MXD3: variants seen among roughly 807,000 people sequenced by gnomAD.
MXD3 encodes Max-associated protein 3.
A neutral mutation model predicts 27.5 loss-of-function variants in MXD3; 20 were observed. The ratio of observed to expected loss-of-function variants is 0.73; its 90% CI spans 0.51 to 1.06. MXD3 has a LOEUF of 1.06. Ranked by LOEUF, MXD3 falls within the 50% of genes least tolerant of loss-of-function variation. The pLI is 0.00. For missense variants in MXD3, 298 were observed against 291.3 expected, an observed-to-expected ratio of 1.02 and a Z score of -0.17; for synonymous variants, 150 against 130.7, an observed-to-expected ratio of 1.15 and a Z score of -1.01.
At chr5:177,307,062 G>A (rs1760897302), downstream of MXD3, 3 of 1,458,636 alleles carry the variant, frequency 2.1e-6, no homozygotes, top group East Asian at 2.5e-5. Context: ...GTGAAGTGGA[G>A]ACAGAACAGC....
chr5:177,307,062 G>C (rs1760897302), downstream of MXD3: 5 of 1,458,518 alleles, frequency 3.4e-6, no homozygotes, highest in South Asian at 7.3e-5. Flanking sequence ...GTGAAGTGGA[G>C]ACAGAACAGC....
At chr5:177,306,708 A>T (rs1581587960), downstream of MXD3, 5 of 1,272,980 alleles carry the variant, frequency 3.9e-6, no homozygotes, top group East Asian at 1.3e-4. Context: ...GCAGTTTGGC[A>T]TCTGCAGTAC....
downstream of MXD3, chr5:177,306,808 CG>C: frequency 1.3e-6 from 1 of 782,696 alleles, no homozygotes; most frequent in Admixed American, 2.9e-5. Flanking sequence ...GTGACTTGCC[CG>C]GGGCTCCAGG....
chr5:177,307,962 C>T lies in MXD3; in HGVS notation c.324G>A (p.Lys108=), dbSNP rs1321712641. ...LLRRARMHIQ[K]LEDQEQRARQ... is the part of the protein sequence containing the mutation. The stretch of plus-strand genomic sequence containing the variant: ...GGGCCCGCTGCTCCTGATCCTCCAG[C>T]TTCTGCGGATCCCAAAGGAGCAAGG... The change falls in exon 5 of 6, where the codon AAG becomes AAA. Residue 108 remains lysine, a splice_region_variant and synonymous_variant. Coordinates refer to ENST00000439742, the MANE Select transcript of MXD3 (RefSeq NM_031300.4). The T allele has an allele frequency of 3.2e-6, 5 of 1,548,354 alleles. No individual in the cohort carries two copies. In the African/African-American group the frequency reaches 6.8e-5, roughly 21 times the overall value.
chr5:177,311,775 T>C lies in MXD3; in HGVS notation c.56A>G (p.Glu19Gly). The C allele has an allele frequency of 6.2e-7, 1 of 1,613,062 alleles. No individual in the cohort carries two copies. The highest frequency in any genetic ancestry group is 8.5e-7 in the Non-Finnish European group (1 of 1,179,510). Residue 19 changes from glutamate to glycine, a missense_variant, in exon 1 of 6, where the codon GAG (glutamate) becomes GGG (glycine). Glu to Gly is a moderately conservative substitution (Grantham distance 98, BLOSUM62 -2). Transcript: ENST00000439742. ...QVLLQAAEFL[E>G]RREREAEHGY... ...TCCTTCCTCACCTCTCTCACGGCGC[T>C]CCAGGAACTCGGCCGCCTGCAGCAG... is the stretch of plus-strand genomic sequence containing the variant.
downstream of MXD3, chr5:177,306,948 C>T (rs1470244850): frequency 1.0e-6 from 1 of 971,060 alleles, no homozygotes; most frequent in Admixed American, 3.0e-5. Context: ...TTGTTGAATT[C>T]AGTTGGCCCC....
At position 177,311,805 on chromosome 5, in the gene MXD3, TG is replaced by T; in HGVS notation, c.25del (p.Gln9ArgfsTer65). 6.2e-7 allele frequency: 1 copy of T among 1,612,728 alleles called. No individual in the cohort carries two copies. Among genetic ancestry groups the T allele is most frequent in the Non-Finnish European group, 8.5e-7 (1 of 1,179,306 alleles). ...GAACTCGGCCGCCTGCAGCAGGACC[TG>T]GATGTTGCTGGCCAAGGGTTCCATG... MEPLASNI[Q>X]VLLQAAEFLE... On this transcript the variant is annotated frameshift_variant, in exon 1 of 6. Transcript: ENST00000439742. LOFTEE classifies it high-confidence loss of function.
At chr5:177,309,220 G>A (rs993725385) in intron 4 of MXD3, among the ~76,000 whole-genome samples, 2 of 152,210 alleles carry the variant, frequency 1.3e-5, no homozygotes, top group Admixed American at 6.5e-5. Context: ...TCCTGTCAGG[G>A]GCCACTGGTG....
Position 177,311,858 on chromosome 5 carries a change from C to G in MXD3, c.-28G>C. 1.9e-6 allele frequency: 3 copies of G among 1,605,500 alleles called. No individual in the cohort carries two copies. The highest frequency in any genetic ancestry group is 3.4e-5 in the Admixed American group (2 of 58,676). ...CGGCGACAGCTGGCGGCGGGCCGGC[C>G]TAGGGTGCCGGCCGGAGCAAGCGGC... On this transcript the variant is annotated 5_prime_UTR_variant, in exon 1 of 6. Transcript: ENST00000439742.
intron 4 of MXD3, among the ~76,000 whole-genome samples, chr5:177,308,616 G>A (rs906213319): frequency 4.6e-5 from 7 of 152,062 alleles, no homozygotes; most frequent in Admixed American, 1.3e-4. Flanking sequence ...CAGGTAATCC[G>A]CCTGCCTCAG....
Position 177,307,644 on chromosome 5 carries a change from C to T in MXD3, c.565G>A (p.Gly189Ser), listed in dbSNP as rs765219373. The T allele has an allele frequency of 6.2e-7, 1 of 1,613,484 alleles. No individual in the cohort carries two copies. Residue 189 changes from glycine to serine, a missense_variant, in exon 6 of 6, where the codon GGC (glycine) becomes AGC (serine). Coordinates refer to ENST00000439742, the MANE Select transcript of MXD3 (RefSeq NM_031300.4). ...VFGGEAELLR[G>S]FVAGQEHSYS... The stretch of plus-strand genomic sequence containing the variant: ...CTGTGCTCCTGGCCGGCGACGAAGC[C>T]CCGCAGCAGCTCGGCCTCACCCCCA...
downstream of MXD3, chr5:177,307,031 T>G: frequency 2.8e-6 from 4 of 1,446,192 alleles, no homozygotes; most frequent in Admixed American, 2.9e-5. Context: ...GTCACGTCAC[T>G]CAGCCTCATT....
upstream of MXD3, chr5:177,312,526 C>A (rs1457744755): frequency 8.1e-6 from 8 of 985,440 alleles, no homozygotes; most frequent in Non-Finnish European, 9.6e-6. Context: ...GCGCAGGCGC[C>A]GGCGGAGGGG....
downstream of MXD3, chr5:177,305,973 A>G: frequency 1.2e-6 from 2 of 1,613,956 alleles, no homozygotes; most frequent in East Asian, 2.2e-5. Flanking sequence ...TGGTGTCTCC[A>G]GAGCTGTCCA....
At chr5:177,312,687 A>G (rs1214328396), upstream of MXD3, 3 of 985,298 alleles carry the variant, frequency 3.0e-6, no homozygotes, top group East Asian at 2.3e-4. Flanking sequence ...TGTTGTTGCT[A>G]CGAAAACGTC....
intron 2 of MXD3, 76 bp downstream of exon 2, chr5:177,311,303 C>G (rs1761031179): frequency 9.9e-7 from 1 of 1,010,290 alleles, no homozygotes; most frequent in Non-Finnish European, 1.4e-6. Context: ...ATGCAAGCAA[C>G]AAGTGGGCAG....
chr5:177,308,001 G>A (rs746480898), intron 4 of MXD3, 37 bp from the exon 5 acceptor site: 8 of 1,477,634 alleles, frequency 5.4e-6, no homozygotes, highest in East Asian at 4.9e-5. Flanking sequence ...TGGGGTCAGC[G>A]GCGTGGGGGC....
rs776777456 is a variant in MXD3 at position 177,307,566 on chromosome 5, G to A, written c.*22C>T. 6.2e-7 allele frequency: 1 copy of A among 1,609,994 alleles called. No individual in the cohort carries two copies. Among genetic ancestry groups the A allele is most frequent in the Non-Finnish European group, 8.5e-7 (1 of 1,179,224 alleles). Reference sequence around the variant, plus strand: ...GGGCCTGGCACGAGTAGAGGGCAGAGGCCCGCCCTGGGTGAGGAACATCAT... The same window carrying A: ...GGGCCTGGCACGAGTAGAGGGCAGAAGCCCGCCCTGGGTGAGGAACATCAT... On this transcript the variant is annotated 3_prime_UTR_variant, in exon 6 of 6. Coordinates refer to ENST00000439742, the MANE Select transcript of MXD3 (RefSeq NM_031300.4).
rs1451029252 is a variant in MXD3, at chr5:177,307,335, T to C, written c.*253A>G. The C allele has an allele frequency of 1.3e-6, 2 of 1,541,570 alleles. No individual in the cohort carries two copies. The highest frequency in any genetic ancestry group is 1.2e-5 in the South Asian group (1 of 83,748). On this transcript the variant is annotated 3_prime_UTR_variant, in exon 6 of 6. Coordinates refer to ENST00000439742, the MANE Select transcript of MXD3 (RefSeq NM_031300.4). ...CCTTGGGGGCAGCAGAGCCAAATGC[T>C]TGGGCTCGGGCCCAAGCTGCCTGCC...
Sources: allele counts gnomAD v4.1 joint callset (sites outside exome capture counted in the v4.1 genomes callset), GRCh38; gene constraint gnomAD v4.1.1; transcripts MANE v1.5; gene names NCBI Gene and HGNC (gene_info 2026-07-23, HGNC 2026-07-21).